The following HMCN2 variants were observed in gnomAD, a reference collection of about 807,000 sequenced individuals.
The protein encoded by HMCN2 is hemicentin 2, also known as hemicentin-2.
A neutral mutation model predicts 377.5 loss-of-function variants in HMCN2; 325 were observed. The ratio of observed to expected loss-of-function variants is 0.86; its 90% CI spans 0.79 to 0.94. HMCN2 has a LOEUF of 0.94. HMCN2 is among the 40% of genes least tolerant of loss of function. The probability of loss-of-function intolerance (pLI) is 0.00; values close to 1 mark genes in which losing one functional copy is unlikely to be tolerated. For synonymous variants in HMCN2, 2,007 were observed against 2,046.8 expected, an observed-to-expected ratio of 0.98 and a Z score of 0.53; for missense variants, 4,543 against 4,725.3, an observed-to-expected ratio of 0.96 and a Z score of 1.13.
intron 85 of HMCN2, among the ~76,000 whole-genome samples, chr9:130,415,136 C>T (rs1041445638): frequency 1.3e-5 from 2 of 152,136 alleles, no homozygotes; most frequent in African/African-American, 4.8e-5. Context: ...CTTCCACTCT[C>T]ATCTAGCAGA....
chr9:130,329,797 G>T (rs1838328432), intron 22 of HMCN2, among the ~76,000 whole-genome samples: 1 of 151,598 alleles, frequency 6.6e-6, no homozygotes, highest in Non-Finnish European at 1.5e-5. Context: ...TGGGTCCTCT[G>T]GTTCCCTCCC....
intron 92 of HMCN2, among the ~76,000 whole-genome samples, 167 bp downstream of exon 92, chr9:130,427,786 C>T (rs1455130536): frequency 6.6e-6 from 1 of 152,184 alleles, no homozygotes; most frequent in East Asian, 1.9e-4. Flanking sequence ...TATGTCCCCA[C>T]CAGGCTCCTT....
chr9:130,276,359 T>G (rs1588155694), intron 1 of HMCN2, among the ~76,000 whole-genome samples: 2 of 123,918 alleles, frequency 1.6e-5, no homozygotes, highest in African/African-American at 3.2e-5. Flanking sequence ...CCTGAGGGAG[T>G]GACGTTGAAG....
At chr9:130,286,466 G>A (rs1261097524) in intron 4 of HMCN2, among the ~76,000 whole-genome samples, 156 bp downstream of exon 4, 1 of 152,258 alleles carries the variant, frequency 6.6e-6, no homozygotes, top group African/African-American at 2.4e-5. Context: ...CACACCTGTG[G>A]CAGGCACAGG....
At chr9:130,373,954 AGATGGTTG>A (rs1388572784) in intron 48 of HMCN2, among the ~76,000 whole-genome samples, 1 of 148,940 alleles carries the variant, frequency 6.7e-6, no homozygotes, top group Non-Finnish European at 1.5e-5. Context: ...GTGGGTAGGT[AGATGGTTG>A]GATGGTTGGG....
rs1003540030 is a variant in HMCN2 at position 130,304,929 on chromosome 9, C to T, written c.1743C>T (p.Asp581=). ...AGATCAGTGGCATCATCCCCACAGACGGCGGGAGGTACCAGTGTGTGGCCA... is the reference window on the plus strand; with the variant it reads ...AGATCAGTGGCATCATCCCCACAGATGGCGGGAGGTACCAGTGTGTGGCCA... ...SLEISGIIPT[D]GGRYQCVASN... The change falls in exon 11 of 98, where the codon GAC becomes GAT. Residue 581 remains aspartate (D), a synonymous_variant. Coordinates refer to ENST00000683500, the MANE Select transcript of HMCN2 (RefSeq NM_001291815.2). This position sits in a 1 kb window ranked among gnomAD's most constrained non-coding sequence, Gnocchi z 4.3. The T allele has an allele frequency of 3.8e-5, 18 of 471,134 alleles. No homozygotes were observed. The highest frequency in any genetic ancestry group is 6.2e-5 in the South Asian group (4 of 64,574). The allele number at this position is 471,134 out of a possible 1,614,324, so 29.2% of individuals were successfully genotyped here.
chr9:130,273,646 C>A (rs531770748), intron 1 of HMCN2, among the ~76,000 whole-genome samples: 1 of 152,284 alleles, frequency 6.6e-6, no homozygotes, highest in South Asian at 2.1e-4. Flanking sequence ...TATAGGCATG[C>A]GCCACCATGC....
In HMCN2 at chr9:130,432,451, G is replaced by A. The variant is rs943299330; in HGVS notation, c.14790G>A (p.Glu4930=). The part of the protein sequence containing the change: ...NCQDINECEE[E]SIECGPGQMC... ...CAGACATCAACGAGTGCGAGGAGGA[G>A]AGCATCGAGTGTGGACCCGGCCAGA... is the stretch of plus-strand genomic sequence containing the variant. The change falls in exon 97 of 98, where the codon GAG becomes GAA. Residue 4930 remains glutamate (E), a synonymous_variant. Coordinates refer to ENST00000683500, the MANE Select transcript of HMCN2 (RefSeq NM_001291815.2). 1.3e-6 allele frequency: 2 copies of A among 1,551,068 alleles called. No homozygotes were observed. The highest frequency in any genetic ancestry group is 1.2e-5 in the South Asian group (1 of 84,060).
chr9:130,371,300 G>C (rs1411002510), intron 46 of HMCN2, among the ~76,000 whole-genome samples, 169 bp downstream of exon 46: 1 of 152,092 alleles, frequency 6.6e-6, no homozygotes, highest in Non-Finnish European at 1.5e-5. Context: ...AGTCAGGTGA[G>C]GTGCTCCAGG....
At chr9:130,335,738 A>G (rs1838711441) in intron 22 of HMCN2, among the ~76,000 whole-genome samples, 1 of 151,790 alleles carries the variant, frequency 6.6e-6, no homozygotes, top group African/African-American at 2.4e-5. Flanking sequence ...GTCAGCCTGT[A>G]AGAGGCAGAA....
chr9:130,370,217 T>C (rs140592047), intron 45 of HMCN2, among the ~76,000 whole-genome samples: 372 of 152,250 alleles, frequency 2.4e-3, no homozygotes, highest in Non-Finnish European at 4.1e-3. Flanking sequence ...CCTTGAATAC[T>C]GTTGGGGCAG....
chr9:130,375,986 C>T lies in HMCN2; in HGVS notation c.7915C>T (p.Leu2639Phe). The change falls in exon 51 of 98, where the codon CTC (leucine) becomes TTC (phenylalanine). Residue 2639 changes from leucine to phenylalanine, a missense_variant. By Grantham distance (22) the Leu-to-Phe change is conservative. This residue lies in a region of HMCN2 where 736 missense variants were observed against 773.2 expected (regional missense o/e 0.95). Coordinates refer to ENST00000683500, the MANE Select transcript of HMCN2 (RefSeq NM_001291815.2). Reference protein sequence around the residue: ...EAVKNYHVEVLIPPSISKDDP... With the variant: ...EAVKNYHVEVFIPPSISKDDP... ...CGTGAAAAACTACCATGTGGAAGTG[C>T]TCAGTGAGTCGGGGACCCTGGGGCA... The T allele has an allele frequency of 1.0e-6, 1 of 985,256 alleles. No homozygotes were observed. Among genetic ancestry groups the T allele is most frequent in the Non-Finnish European group, 1.2e-6 (1 of 829,420 alleles). 61.0% of individuals were successfully genotyped at this position (985,256 alleles called of 1,614,324 possible). A position where few individuals can be genotyped will look rare whatever the true frequency, so the allele number is the denominator to read the frequency against.
rs1264381980 is a variant in HMCN2, at chr9:130,432,556, G to T, written c.14894+1G>T. The T allele has an allele frequency of 3.2e-6, 5 of 1,550,076 alleles. No individual in the cohort carries two copies. The highest frequency in any genetic ancestry group is 3.5e-6 in the Non-Finnish European group (4 of 1,146,800). On this transcript the variant is annotated splice_donor_variant, in intron 97 of 97. Coordinates refer to ENST00000683500, the MANE Select transcript of HMCN2 (RefSeq NM_001291815.2). LOFTEE classifies it high-confidence loss of function. ...CCTACCGGCAGGGCCCCAGCCCTGG[G>T]TAAGGGCTGAGTTGGCAGGGCCTCG...
chr9:130,340,177 C>T (rs1291989576), intron 23 of HMCN2, among the ~76,000 whole-genome samples: 3 of 152,262 alleles, frequency 2.0e-5, no homozygotes, highest in Non-Finnish European at 4.4e-5. Context: ...TGACTTGAAA[C>T]CACAAATGTG....
At chr9:130,372,897 A>G (rs1214538778) in intron 47 of HMCN2, 141 bp from the exon 48 acceptor site, 1 of 155,580 alleles carries the variant, frequency 6.4e-6, no homozygotes, top group Non-Finnish European at 1.4e-5. Context: ...TCACCACCCT[A>G]TGGAAACAGG....
Position 130,391,586 on chromosome 9 carries a change from C to A in HMCN2, c.9952+12C>A. 1 of 986,712 alleles carries A rather than the reference C, an allele frequency of 1.0e-6. No homozygotes were observed. The highest frequency in any genetic ancestry group is 1.2e-6 in the Non-Finnish European group (1 of 830,136). 61.1% of individuals were successfully genotyped at this position (986,712 alleles called of 1,614,324 possible). ...GGTGAATGTGCTGGGTGAGGAGCCC[C>A]AGGGCATCTGGAGGGTGATGCGTGG... is the stretch of plus-strand genomic sequence containing the variant. On this transcript the variant is annotated intron_variant, in intron 65 of 97. Coordinates refer to ENST00000683500, the MANE Select transcript of HMCN2 (RefSeq NM_001291815.2).
At chr9:130,278,248 C>G (rs2131251930) in intron 1 of HMCN2, among the ~76,000 whole-genome samples, 1 of 152,242 alleles carries the variant, frequency 6.6e-6, no homozygotes, top group East Asian at 1.9e-4. Flanking sequence ...CCTCAGCCTC[C>G]CGAGTAGCTG....
chr9:130,330,113 C>A (rs1838348690), intron 22 of HMCN2, among the ~76,000 whole-genome samples: 1 of 151,946 alleles, frequency 6.6e-6, no homozygotes, highest in African/African-American at 2.4e-5. Flanking sequence ...AGCCTCAAAG[C>A]TGCCCTTCTG....
At chr9:130,380,687 TGAA>T (rs1377021863) in intron 54 of HMCN2, among the ~76,000 whole-genome samples, 1 of 150,154 alleles carries the variant, frequency 6.7e-6, no homozygotes, top group African/African-American at 2.5e-5. Context: ...CTCAAGAGGC[TGAA>T]GAAGGAGAAT....
Sources: gnomAD v4.1 joint callset for allele counts (sites outside exome capture counted in the v4.1 genomes callset) on GRCh38, gnomAD v4.1.1 for gene constraint, gnomAD v4.1.1 regional missense constraint, Gnocchi (gnomAD v3.1) non-coding constraint, MANE v1.5 for transcripts, NCBI Gene and HGNC (gene_info 2026-07-23, HGNC 2026-07-21) for gene names.